ZNF283: variants seen among roughly 807,000 people sequenced by gnomAD.
ZNF283 encodes zinc finger protein 41.
In ZNF283, 10 loss-of-function variants were observed where a neutral mutation model predicts 9.2. The ratio of observed to expected loss-of-function variants is 1.09; its 90% CI spans 0.67 to 1.85. ZNF283 has a LOEUF of 1.85. Among genes scored for constraint, ZNF283 ranks in the 40% most tolerant of loss-of-function variants. ZNF283 has a pLI of 0.00. For synonymous variants in ZNF283, 234 were observed against 244.1 expected, an observed-to-expected ratio of 0.96 and a Z score of 0.38; for missense variants, 631 against 760.1, an observed-to-expected ratio of 0.83 and a Z score of 2.00.
Position 43,849,611 on chromosome 19 carries a change from C to T in ZNF283, c.*970C>T, listed in dbSNP as rs1040181296. 8 of 152,162 alleles carry T rather than the reference C, an allele frequency of 5.3e-5. No homozygotes were observed. Among genetic ancestry groups the T allele is most frequent in the Admixed American group, 1.3e-4 (2 of 15,286 alleles). 9.4% of individuals were successfully genotyped at this position (152,162 alleles called of 1,614,324 possible). The stretch of plus-strand genomic sequence containing the variant: ...CTTTGTTAAACTTCAGTAAGTTCAT[C>T]CTAGAGAGTAACTCTGTTAATGTAA... On this transcript the variant is annotated 3_prime_UTR_variant, in exon 7 of 7. Coordinates refer to ENST00000618787, the MANE Select transcript of ZNF283 (RefSeq NM_181845.2).
intron 6 of ZNF283, among the ~76,000 whole-genome samples, chr19:43,843,300 C>T (rs1971286010): frequency 6.6e-6 from 1 of 152,216 alleles, no homozygotes; most frequent in Admixed American, 6.5e-5. Context: ...AAGATCGTGC[C>T]ACTGCATTCC....
rs2146598653 is a variant in ZNF283, at chr19:43,850,050, C to T, written c.*1409C>T. On this transcript the variant is annotated 3_prime_UTR_variant, in exon 7 of 7. Coordinates refer to ENST00000618787, the MANE Select transcript of ZNF283 (RefSeq NM_181845.2). ...AGGGGATTTTAATTCAGAGTTTATC[C>T]CTTAAGCTGAGCTAAAAAAATGAGA... is the stretch of plus-strand genomic sequence containing the variant. 6.6e-6 allele frequency: 1 copy of T among 152,090 alleles called. No individual in the cohort carries two copies. Among genetic ancestry groups the T allele is most frequent in the South Asian group, 2.1e-4 (1 of 4,822 alleles). The allele number at this position is 152,090 out of a possible 1,614,324, so 9.4% of individuals were successfully genotyped here. A position where few individuals can be genotyped will look rare whatever the true frequency, so the allele number is the denominator to read the frequency against.
intron 6 of ZNF283, among the ~76,000 whole-genome samples, chr19:43,845,200 G>A (rs1971358520): frequency 6.6e-6 from 1 of 152,098 alleles, no homozygotes; most frequent in Middle Eastern, 3.2e-3. Context: ...TAATATACCT[G>A]GGGTTATATA....
intron 4 of ZNF283, among the ~76,000 whole-genome samples, chr19:43,834,353 TC>T (rs1459899532): frequency 3.9e-5 from 6 of 151,974 alleles, no homozygotes; most frequent in Non-Finnish European, 7.4e-5. Context: ...TAATATCATT[TC>T]ATTAATATTA....
rs779703708 is a variant in ZNF283 at position 43,848,681 on chromosome 19, CAACTT to C, written c.*42_*46del. 9.4e-5 allele frequency: 140 copies of C among 1,487,198 alleles called. No individual in the cohort carries two copies. The highest frequency in any genetic ancestry group is 1.2e-4 in the Non-Finnish European group (134 of 1,116,934). 92.1% of individuals were successfully genotyped at this position (1,487,198 alleles called of 1,614,324 possible). On this transcript the variant is annotated 3_prime_UTR_variant, in exon 7 of 7. Coordinates refer to ENST00000618787, the MANE Select transcript of ZNF283 (RefSeq NM_181845.2). ...AGAATATTTTGTGTGTGTGTATAGA[CAACTT>C]ATCATAATAAGAACTCTTACTCTTG...
At chr19:43,846,307 T>G (rs1971397794) in intron 6 of ZNF283, among the ~76,000 whole-genome samples, 1 of 152,228 alleles carries the variant, frequency 6.6e-6, no homozygotes, top group African/African-American at 2.4e-5. Flanking sequence ...AAATTCTGGC[T>G]AATAAATCTA....
chr19:43,832,358 A>T (rs141841155), intron 3 of ZNF283, among the ~76,000 whole-genome samples: 2 of 152,328 alleles, frequency 1.3e-5, no homozygotes, highest in Non-Finnish European at 2.9e-5. Flanking sequence ...GTAGAATAAG[A>T]AGGTTCTTGT....
Position 43,847,423 on chromosome 19 carries a change from G to A in ZNF283, c.822G>A (p.Trp274Ter), listed in dbSNP as rs952440443. The A allele has an allele frequency of 4.3e-6, 7 of 1,613,430 alleles. No homozygotes were observed. Among genetic ancestry groups the A allele is most frequent in the Non-Finnish European group, 5.9e-6 (7 of 1,179,778 alleles). The change falls in exon 7 of 7, where the codon TGG (tryptophan) becomes TGA (stop). Residue 274 changes from tryptophan to a stop codon, truncating the protein, a stop_gained. Coordinates refer to ENST00000618787, the MANE Select transcript of ZNF283 (RefSeq NM_181845.2). LOFTEE classifies it low-confidence loss of function (END_TRUNC). ...ECKECGKTFSWGSSLVKHERI... is the reference protein window; with the variant it reads ...ECKECGKTFS Reference sequence around the variant, plus strand: ...AGGAATGTGGGAAGACCTTTAGCTGGGGATCAAGCCTTGTTAAACATGAGA... The same window carrying A: ...AGGAATGTGGGAAGACCTTTAGCTGAGGATCAAGCCTTGTTAAACATGAGA...
At position 43,847,478 on chromosome 19, in the gene ZNF283, T is replaced by G. The variant is rs1384572856; in HGVS notation, c.877T>G (p.Cys293Gly). Residue 293 changes from cysteine to glycine, a missense_variant, in exon 7 of 7, where the codon TGT (cysteine) becomes GGT (glycine). Around this residue, in one of 3 missense-constraint regions of ZNF283, gnomAD observed 444 missense variants for 522.5 expected, o/e 0.85. Transcript: ENST00000618787. ...RIHTGEKPYE[C>G]KECGKAFSRG... ...TCACACTGGTGAGAAACCCTATGAA[T>G]GTAAAGAATGTGGGAAGGCCTTTAG... 2 of 1,613,822 alleles carry G rather than the reference T, an allele frequency of 1.2e-6. No homozygotes were observed. The highest frequency in any genetic ancestry group is 1.7e-6 in the Non-Finnish European group (2 of 1,179,950).
intron 6 of ZNF283, among the ~76,000 whole-genome samples, chr19:43,843,062 G>A (rs1266407511): frequency 6.6e-6 from 1 of 152,160 alleles, no homozygotes; most frequent in Non-Finnish European, 1.5e-5. Flanking sequence ...TGAGTTAAAG[G>A]CCAGGCTCTG....
At chr19:43,831,274 C>G in intron 2 of ZNF283, 44 bp from the exon 3 acceptor site, 1 of 1,411,176 alleles carries the variant, frequency 7.1e-7, no homozygotes, top group Non-Finnish European at 9.8e-7. Flanking sequence ...TATTTTCTTC[C>G]TCAGACTTTG....
chr19:43,839,084 C>T (rs1971095303), intron 6 of ZNF283, among the ~76,000 whole-genome samples: 1 of 152,148 alleles, frequency 6.6e-6, no homozygotes, highest in Non-Finnish European at 1.5e-5. Context: ...TGTCCTTTCA[C>T]TTTAGTCTGA....
At chr19:43,830,658 T>A (rs987892073) in intron 2 of ZNF283, among the ~76,000 whole-genome samples, 2 of 152,050 alleles carry the variant, frequency 1.3e-5, no homozygotes, top group African/African-American at 4.8e-5. Context: ...ATCCCAACGC[T>A]TTGGGAGGCC....
At chr19:43,835,231 C>T (rs567834996) in intron 4 of ZNF283, among the ~76,000 whole-genome samples, 149 of 152,178 alleles carry the variant, frequency 9.8e-4, no homozygotes, top group Non-Finnish European at 1.7e-3. Context: ...GACAGGTATT[C>T]CTGAGAGGTA....
intron 4 of ZNF283, among the ~76,000 whole-genome samples, chr19:43,835,271 G>T (rs901685863): frequency 2.0e-5 from 3 of 152,124 alleles, no homozygotes; most frequent in Non-Finnish European, 4.4e-5. Flanking sequence ...CTGATTTCCT[G>T]GGCAGGACTG....
At chr19:43,830,901 T>TAAA (rs367850643) in intron 2 of ZNF283, among the ~76,000 whole-genome samples, 25 of 73,834 alleles carry the variant, frequency 3.4e-4, no homozygotes, top group Non-Finnish European at 5.0e-4. Context: ...AGACTCCATC[T>TAAA]AAAAAAAAAA....
chr19:43,833,090 T>A (rs1242803297), intron 3 of ZNF283, among the ~76,000 whole-genome samples: 3 of 151,968 alleles, frequency 2.0e-5, no homozygotes, highest in Non-Finnish European at 4.4e-5. Flanking sequence ...TTCAGTATTT[T>A]GTATGGATTT....
intron 2 of ZNF283, 32 bp downstream of exon 2, chr19:43,828,313 A>G (rs1367087204): frequency 2.6e-5 from 4 of 152,218 alleles, no homozygotes; most frequent in Admixed American, 2.6e-4. Flanking sequence ...TTTTAAATAC[A>G]TACACATACA....
intron 6 of ZNF283, chr19:43,840,678 A>C (rs924475554): frequency 7.0e-6 from 1 of 143,556 alleles, no homozygotes; most frequent in Non-Finnish European, 1.5e-5. Context: ...TGTGGATGCC[A>C]ATCTCTCTCT....
Sources: gnomAD v4.1 joint callset for allele counts (sites outside exome capture counted in the v4.1 genomes callset) on GRCh38, gnomAD v4.1.1 for gene constraint, gnomAD v4.1.1 regional missense constraint, MANE v1.5 for transcripts, NCBI Gene and HGNC (gene_info 2026-07-23, HGNC 2026-07-21) for gene names.